Variants in CDH18 observed in about 807,000 individuals in gnomAD.
The protein encoded by CDH18 is cadherin 18.
Under a neutral mutation model 67.9 loss-of-function variants are expected in CDH18, and 31 were observed. The ratio of observed to expected loss-of-function variants is 0.46; its 90% CI spans 0.34 to 0.62. The LOEUF is 0.62. Ranked by LOEUF, CDH18 falls within the 20% of genes least tolerant of loss-of-function variation. The pLI, the probability that CDH18 is intolerant of heterozygous loss-of-function variation, is 0.01. For missense variants in CDH18, 890 were observed against 975.5 expected, an observed-to-expected ratio of 0.91 and a Z score of 1.17; for synonymous variants, 362 against 347.2, an observed-to-expected ratio of 1.04 and a Z score of -0.48.
At chr5:19,820,972 T>A (rs1187136593) in intron 3 of CDH18, among the ~76,000 whole-genome samples, 3 of 151,768 alleles carry the variant, frequency 2.0e-5, no homozygotes, top group Admixed American at 1.3e-4. Context: ...AACAGAAACT[T>A]CAAAAAAATA....
At chr5:20,201,419 C>T (rs1485448808) in intron 2 of CDH18, among the ~76,000 whole-genome samples, 2 of 151,974 alleles carry the variant, frequency 1.3e-5, no homozygotes, top group East Asian at 3.9e-4. Context: ...AGACACAGTT[C>T]AATTAATGAC....
chr5:20,453,274 G>T (rs1179215427), intron 1 of CDH18, among the ~76,000 whole-genome samples: 3 of 152,072 alleles, frequency 2.0e-5, no homozygotes, highest in Non-Finnish European at 4.4e-5. Flanking sequence ...ACTTTAAGCT[G>T]CCCCGTCACT....
chr5:20,103,868 T>A (rs1746694911), intron 2 of CDH18, among the ~76,000 whole-genome samples: 2 of 150,638 alleles, frequency 1.3e-5, no homozygotes, highest in Admixed American at 1.3e-4. Flanking sequence ...ACTTTAGAGA[T>A]TGAAGGTTAA....
At position 19,679,255 on chromosome 5, in the gene CDH18, C is replaced by G. The variant is rs555622025; in HGVS notation, c.643+42092G>C. Among the ~76,000 whole-genome samples the G allele has an allele frequency of 9.2e-5, 14 of 152,028 alleles. No homozygotes were observed. The South Asian group carries it at 1.5e-3, about 16-fold the overall frequency. On this transcript the variant is annotated intron_variant, in intron 5 of 12. Transcript: ENST00000382275. Reference sequence around the variant, plus strand: ...AAGTCTTTTGATACACTTCAACACCCCTTCATGTTGAAAATTCTCAACAAA... The same window carrying G: ...AAGTCTTTTGATACACTTCAACACCGCTTCATGTTGAAAATTCTCAACAAA...
chr5:19,880,229 G>A (rs909754276), intron 2 of CDH18, among the ~76,000 whole-genome samples: 1 of 151,758 alleles, frequency 6.6e-6, no homozygotes, highest in African/African-American at 2.4e-5. Flanking sequence ...AAGACATGAA[G>A]TCATTCAAAA....
chr5:19,726,783 T>C (rs1192528552), intron 4 of CDH18, among the ~76,000 whole-genome samples: 1 of 152,228 alleles, frequency 6.6e-6, no homozygotes, highest in Non-Finnish European at 1.5e-5. Flanking sequence ...TAAATGCTCA[T>C]ATGCCCCTCA....
intron 2 of CDH18, among the ~76,000 whole-genome samples, chr5:19,905,666 A>G (rs570940541): frequency 1.3e-4 from 20 of 152,008 alleles, no homozygotes; most frequent in Non-Finnish European, 2.1e-4. Context: ...TTTAACCTTT[A>G]AAATAATTGT....
chr5:19,693,160 G>A (rs2150433159), intron 5 of CDH18, among the ~76,000 whole-genome samples: 1 of 151,478 alleles, frequency 6.6e-6, no homozygotes, highest in Non-Finnish European at 1.5e-5. Flanking sequence ...TACACATATT[G>A]CACGTGCTCA....
intron 2 of CDH18, among the ~76,000 whole-genome samples, chr5:20,057,031 T>C (rs544961391): frequency 5.3e-5 from 8 of 152,168 alleles, no homozygotes; most frequent in African/African-American, 1.7e-4. Flanking sequence ...ACAATTAACT[T>C]TTTGTTTATT....
chr5:20,055,416 T>C (rs1741815967), intron 2 of CDH18, among the ~76,000 whole-genome samples: 2 of 152,356 alleles, frequency 1.3e-5, no homozygotes, highest in South Asian at 2.1e-4. Flanking sequence ...AGCTTTTAAG[T>C]GTAAGCCAAG....
intron 2 of CDH18, among the ~76,000 whole-genome samples, chr5:20,200,675 CA>C (rs539546917): frequency 2.6e-5 from 4 of 151,674 alleles, no homozygotes; most frequent in Non-Finnish European, 5.9e-5. Context: ...GAGCCCATTT[CA>C]AACAAAAAGA....
At chr5:20,529,723 T>C (rs924522915) in intron 1 of CDH18, among the ~76,000 whole-genome samples, 4 of 152,070 alleles carry the variant, frequency 2.6e-5, no homozygotes, top group Non-Finnish European at 4.4e-5. Context: ...AACCTAGGTA[T>C]TGAAGGAACA....
At chr5:20,416,999 T>G (rs773699519) in intron 1 of CDH18, among the ~76,000 whole-genome samples, 17 of 152,284 alleles carry the variant, frequency 1.1e-4, no homozygotes, top group African/African-American at 4.1e-4. Context: ...AAAATAATAT[T>G]CAACTTCATA....
chr5:20,198,371 G>C (rs1054330161), intron 2 of CDH18, among the ~76,000 whole-genome samples: 1 of 152,138 alleles, frequency 6.6e-6, no homozygotes, highest in Non-Finnish European at 1.5e-5. Flanking sequence ...CTCAGATGAA[G>C]ATGAGGAACT....
intron 1 of CDH18, among the ~76,000 whole-genome samples, chr5:20,475,424 C>A (rs1752369391): frequency 6.6e-6 from 1 of 151,984 alleles, no homozygotes; most frequent in African/African-American, 2.4e-5. Flanking sequence ...ACAAGAGCAA[C>A]AAAAGCCATT....
At chr5:20,334,328 G>A (rs1207548343) in intron 1 of CDH18, among the ~76,000 whole-genome samples, 4 of 150,606 alleles carry the variant, frequency 2.7e-5, no homozygotes, top group African/African-American at 7.4e-5. Context: ...TAGTAGAGAC[G>A]GGGTTTCACC....
intron 5 of CDH18, among the ~76,000 whole-genome samples, chr5:19,716,720 C>T (rs890891608): frequency 6.6e-6 from 1 of 151,952 alleles, no homozygotes; most frequent in Non-Finnish European, 1.5e-5. Flanking sequence ...TACCGAAATA[C>T]ATTAGGAGTG....
chr5:20,297,501 A>G (rs1035828807), intron 1 of CDH18, among the ~76,000 whole-genome samples: 5 of 152,226 alleles, frequency 3.3e-5, no homozygotes, highest in Non-Finnish European at 7.3e-5. Context: ...TATGCAACGA[A>G]AGAAACAAAA....
chr5:19,868,777 A>G (rs1031590762), intron 2 of CDH18, among the ~76,000 whole-genome samples: 3 of 152,180 alleles, frequency 2.0e-5, no homozygotes, highest in Admixed American at 6.6e-5. Context: ...AAAATAGCAT[A>G]AAAGACCATA....
Sources: gnomAD v4.1 joint callset for allele counts (sites outside exome capture counted in the v4.1 genomes callset) on GRCh38, gnomAD v4.1.1 for gene constraint, MANE v1.5 for transcripts, NCBI Gene and HGNC (gene_info 2026-07-23, HGNC 2026-07-21) for gene names.